Variants in MARCHF10 observed in about 807,000 individuals in gnomAD.
MARCHF10 encodes the protein membrane associated ring-CH-type finger 10, also known as probable E3 ubiquitin-protein ligase MARCHF10.
MARCHF10 carries 64 observed loss-of-function variants against 76.2 expected under a neutral mutation model. The observed-to-expected ratio is 0.84, with a 90% confidence interval of 0.69 to 1.03. MARCHF10 has a LOEUF of 1.03. Among genes scored for constraint, MARCHF10 ranks in the 50% least tolerant of loss-of-function variants. The pLI, the probability that MARCHF10 is intolerant of heterozygous loss-of-function variation, is 0.00. For synonymous variants in MARCHF10, 340 were observed against 357.5 expected, an observed-to-expected ratio of 0.95 and a Z score of 0.55; for missense variants, 875 against 958.0, an observed-to-expected ratio of 0.91 and a Z score of 1.14.
rs534942974 is a variant in MARCHF10, at chr17:62,799,272, G to A, written c.90+2374C>T. 7.2e-5 allele frequency among the ~76,000 whole-genome samples: 11 copies of A among 152,144 alleles called. No individual in the cohort carries two copies. The East Asian group carries it at 9.7e-4, about 13-fold the overall frequency. ...TCACCACCTCCACTCCTACCACCCC[G>A]GGCCAAGTCACCAGAATCTCTCTCC... On this transcript the variant is annotated intron_variant, in intron 2 of 10. Transcript: ENST00000311269.
chr17:62,714,972 C>G (rs1463005508), intron 8 of MARCHF10, among the ~76,000 whole-genome samples: 2 of 152,144 alleles, frequency 1.3e-5, no homozygotes, highest in Non-Finnish European at 2.9e-5. Context: ...GTCTCCAACT[C>G]CTGACCTCAA....
chr17:62,705,758 C>G (rs549890231), intron 9 of MARCHF10, among the ~76,000 whole-genome samples, 177 bp from the exon 10 acceptor site: 18 of 152,278 alleles, frequency 1.2e-4, no homozygotes, highest in African/African-American at 3.6e-4. Flanking sequence ...AGGGCTCAGC[C>G]TCATCCTGAC....
In MARCHF10 at chr17:62,725,027, G is replaced by C. The variant is rs2090684776; in HGVS notation, c.2015C>G (p.Pro672Arg). ...CQIAGGSPSN[P>R]LLEPCGCVGS... ...CACACAGCCGCAAGGCTCCAGGAGG[G>C]GGTTGCTTGGGGAACCCCCGGCTAT... The change falls in exon 7 of 11, where the codon CCC becomes CGC. Residue 672 changes from proline to arginine, a missense_variant. Coordinates refer to ENST00000311269, the MANE Select transcript of MARCHF10 (RefSeq NM_152598.4). The C allele has an allele frequency of 3.7e-6, 6 of 1,609,576 alleles. No individual in the cohort carries two copies. In the South Asian group the frequency reaches 4.4e-5, roughly 12 times the overall value.
intron 8 of MARCHF10, among the ~76,000 whole-genome samples, chr17:62,717,396 G>A (rs1034008419): frequency 1.3e-5 from 2 of 152,250 alleles, no homozygotes; most frequent in African/African-American, 4.8e-5. Flanking sequence ...TCACTGAAAC[G>A]AATTTAAAAT....
chr17:62,794,592 G>A (rs2092953166), intron 2 of MARCHF10, among the ~76,000 whole-genome samples: 1 of 152,188 alleles, frequency 6.6e-6, no homozygotes, highest in Non-Finnish European at 1.5e-5. Flanking sequence ...AGCTCTCTGA[G>A]TCCATAGTTG....
intron 2 of MARCHF10, among the ~76,000 whole-genome samples, chr17:62,789,496 T>A (rs1044534873): frequency 2.6e-5 from 4 of 152,264 alleles, no homozygotes; most frequent in African/African-American, 9.6e-5. Context: ...TATATTAATT[T>A]AAGCTTGAAT....
At chr17:62,719,380 C>G (rs2090372785) in intron 8 of MARCHF10, among the ~76,000 whole-genome samples, 3 of 151,834 alleles carry the variant, frequency 2.0e-5, no homozygotes, top group Admixed American at 6.6e-5. Flanking sequence ...TTCTCCTTTG[C>G]TCTTGAAGGA....
intron 3 of MARCHF10, among the ~76,000 whole-genome samples, chr17:62,764,279 C>T (rs999142373): frequency 2.0e-5 from 3 of 152,144 alleles, no homozygotes; most frequent in South Asian, 2.1e-4. Context: ...TTCCAAGAAC[C>T]GGCAAACTGG....
chr17:62,797,424 T>C (rs1277481041), intron 2 of MARCHF10, among the ~76,000 whole-genome samples: 3 of 152,206 alleles, frequency 2.0e-5, no homozygotes, highest in African/African-American at 7.2e-5. Flanking sequence ...CAGGCTGGTT[T>C]TGAACTCCTG....
At chr17:62,783,553 C>T (rs969671870) in intron 3 of MARCHF10, among the ~76,000 whole-genome samples, 2 of 151,868 alleles carry the variant, frequency 1.3e-5, no homozygotes, top group Admixed American at 6.6e-5. Context: ...GACAGACATA[C>T]AAAAAACCCT....
At chr17:62,786,252 A>G (rs1464551669) in intron 3 of MARCHF10, among the ~76,000 whole-genome samples, 1 of 152,118 alleles carries the variant, frequency 6.6e-6, no homozygotes, top group East Asian at 1.9e-4. Context: ...TGAAGCTGGA[A>G]ACCATCATTC....
chr17:62,774,947 G>A (rs867294989), intron 3 of MARCHF10, among the ~76,000 whole-genome samples: 5 of 151,754 alleles, frequency 3.3e-5, no homozygotes, highest in Non-Finnish European at 7.4e-5. Flanking sequence ...CCAGCTACTC[G>A]GGAGCCTGAG....
chr17:62,784,919 G>C (rs887698189), intron 3 of MARCHF10, among the ~76,000 whole-genome samples: 1 of 152,156 alleles, frequency 6.6e-6, no homozygotes, highest in African/African-American at 2.4e-5. Context: ...TGGATAGGAA[G>C]AATCAATATC....
At chr17:62,764,894 G>T (rs1044240624) in intron 3 of MARCHF10, among the ~76,000 whole-genome samples, 2 of 152,144 alleles carry the variant, frequency 1.3e-5, no homozygotes, top group South Asian at 2.1e-4. Flanking sequence ...TAAAGAACGA[G>T]GCTCAGTAGG....
intron 2 of MARCHF10, among the ~76,000 whole-genome samples, 186 bp downstream of exon 2, chr17:62,801,459 GT>G (rs370268977): frequency 5.1e-3 from 697 of 137,016 alleles, no homozygotes; most frequent in African/African-American, 9.7e-3. Flanking sequence ...AGCTATCCCC[GT>G]TTTTTTTTTT....
intron 2 of MARCHF10, among the ~76,000 whole-genome samples, chr17:62,792,024 C>G (rs996191227): frequency 1.3e-5 from 2 of 152,112 alleles, no homozygotes; most frequent in Non-Finnish European, 2.9e-5. Flanking sequence ...TGTGGCAAAA[C>G]TGGCCGAGGG....
At chr17:62,728,841 A>G (rs2090882356) in intron 6 of MARCHF10, among the ~76,000 whole-genome samples, 1 of 152,230 alleles carries the variant, frequency 6.6e-6, no homozygotes, top group Non-Finnish European at 1.5e-5. Context: ...TATACATGCA[A>G]AGGAGAATGG....
In MARCHF10 at chr17:62,736,802, T is replaced by G; in HGVS notation, c.1066A>C (p.Ile356Leu). Residue 356 changes from isoleucine (I) to leucine (L), a missense_variant, in exon 6 of 11, where the codon ATA (isoleucine) becomes CTA (leucine). Transcript: ENST00000311269. ...RSEPSHGSLRISNAMEPATER... is the reference protein window; with the variant it reads ...RSEPSHGSLRLSNAMEPATER... ...GTTGCTGGCTCCATTGCATTGCTTA[T>G]TCTCAATGAGCCATGACTGGGCTCA... The G allele has an allele frequency of 1.2e-6, 2 of 1,614,170 alleles. No individual in the cohort carries two copies. The highest frequency in any genetic ancestry group is 1.3e-5 in the African/African-American group (1 of 75,042).
intron 8 of MARCHF10, among the ~76,000 whole-genome samples, chr17:62,717,713 T>G (rs4968736): frequency 0.27 from 41,185 of 152,212 alleles, 6,334 homozygotes; most frequent in Non-Finnish European, 0.34. Context: ...ACAGCGCTCA[T>G]GACCCTGGCC....
Sources: gnomAD v4.1 joint callset for allele counts (sites outside exome capture counted in the v4.1 genomes callset) on GRCh38, gnomAD v4.1.1 for gene constraint, MANE v1.5 for transcripts, NCBI Gene and HGNC (gene_info 2026-07-23, HGNC 2026-07-21) for gene names.